Variants in TRPC7 observed in about 807,000 individuals in gnomAD.
TRPC7 encodes the protein short transient receptor potential channel 7.
Under a neutral mutation model 90.1 loss-of-function variants are expected in TRPC7, and 42 were observed. That is an observed-to-expected ratio of 0.47 (90% CI 0.36 to 0.60). The LOEUF (loss-of-function observed/expected upper bound fraction) is 0.60, where lower values mean the gene tolerates loss of function less well. Ranked by LOEUF, TRPC7 falls within the 20% of genes least tolerant of loss-of-function variation. The probability of loss-of-function intolerance (pLI) is 0.00; values close to 1 mark genes in which losing one functional copy is unlikely to be tolerated. For synonymous variants in TRPC7, 451 were observed against 436.3 expected, an observed-to-expected ratio of 1.03 and a Z score of -0.42; for missense variants, 955 against 1,112.3, an observed-to-expected ratio of 0.86 and a Z score of 2.01.
Position 136,226,229 on chromosome 5 carries a change from G to A in TRPC7, c.2067C>T (p.Phe689=), listed in dbSNP as rs375971976. Residue 689 remains phenylalanine (F), a synonymous_variant, in exon 9 of 12, where the codon TTC becomes TTT. Transcript: ENST00000513104. Reference sequence around the variant, plus strand: ...AAGACAGCCAGAGTTTTGCTCGGGCGAACTTCCATTCCACATCTGCATCCT... The same window carrying A: ...AAGACAGCCAGAGTTTTGCTCGGGCAAACTTCCATTCCACATCTGCATCCT... The part of the protein sequence containing the change: ...IEEDADVEWK[F]ARAKLWLSYF... 61 of 1,551,630 alleles carry A rather than the reference G, an allele frequency of 3.9e-5. No homozygotes were observed. The highest frequency in any genetic ancestry group is 8.3e-5 in the South Asian group (7 of 84,052).
intron 5 of TRPC7, among the ~76,000 whole-genome samples, chr5:136,259,531 A>G (rs1328284755): frequency 2.0e-5 from 3 of 152,226 alleles, no homozygotes; most frequent in African/African-American, 7.2e-5. Context: ...CGTTATGGAG[A>G]TGCTTGCTAG....
chr5:136,365,370 T>C lies in TRPC7; in HGVS notation c.-116A>G. ...AAGGATGTACCGCTCTCCGTGGTGCTGAAGTATAGAGCTGGTCAAGTGAGT... is the reference window on the plus strand; with the variant it reads ...AAGGATGTACCGCTCTCCGTGGTGCCGAAGTATAGAGCTGGTCAAGTGAGT... On this transcript the variant is annotated 5_prime_UTR_variant, in exon 1 of 12. Transcript: ENST00000513104. The C allele has an allele frequency of 9.3e-7, 1 of 1,080,840 alleles. No individual in the cohort carries two copies. The highest frequency in any genetic ancestry group is 1.3e-5 in the South Asian group (1 of 74,734). The allele number at this position is 1,080,840 out of a possible 1,614,324, so 67.0% of individuals were successfully genotyped here. A position where few individuals can be genotyped will look rare whatever the true frequency, so the allele number is the denominator to read the frequency against.
chr5:136,360,722 G>A (rs1033465627), intron 1 of TRPC7, among the ~76,000 whole-genome samples: 3 of 152,138 alleles, frequency 2.0e-5, no homozygotes, highest in Non-Finnish European at 4.4e-5. Flanking sequence ...AGTCATGTAT[G>A]CATATAAGCA....
At chr5:136,309,475 C>T (rs1351872511) in intron 3 of TRPC7, among the ~76,000 whole-genome samples, 2 of 152,128 alleles carry the variant, frequency 1.3e-5, no homozygotes, top group African/African-American at 4.8e-5. Flanking sequence ...GCTATCAATA[C>T]GAATTCCCTC....
chr5:136,322,015 C>G (rs1463638959), intron 2 of TRPC7, among the ~76,000 whole-genome samples: 2 of 151,588 alleles, frequency 1.3e-5, no homozygotes, highest in Non-Finnish European at 2.9e-5. Flanking sequence ...TATTCCTGTA[C>G]AAGATTTTTT....
intron 3 of TRPC7, among the ~76,000 whole-genome samples, chr5:136,295,056 C>A (rs894045941): frequency 1.3e-5 from 2 of 151,488 alleles, no homozygotes; most frequent in East Asian, 3.9e-4. Flanking sequence ...CCAAACACTG[C>A]ATGTTCTTAC....
At chr5:136,233,743 C>A (rs1755891421) in intron 7 of TRPC7, among the ~76,000 whole-genome samples, 1 of 152,188 alleles carries the variant, frequency 6.6e-6, no homozygotes, top group Admixed American at 6.5e-5. Context: ...TTGGAACAAC[C>A]CAGAAACCTT....
chr5:136,255,591 T>A (rs922851385), intron 5 of TRPC7, among the ~76,000 whole-genome samples: 1 of 152,230 alleles, frequency 6.6e-6, no homozygotes, highest in African/African-American at 2.4e-5. Flanking sequence ...CCTGGGACTT[T>A]CTTTGTTGGG....
intron 3 of TRPC7, among the ~76,000 whole-genome samples, chr5:136,287,452 A>G (rs1693952956): frequency 6.6e-6 from 1 of 150,812 alleles, no homozygotes; most frequent in East Asian, 2.0e-4. Flanking sequence ...TTCCAGTTGA[A>G]CTCCCTGCCT....
At chr5:136,291,048 A>G (rs1390097931) in intron 3 of TRPC7, among the ~76,000 whole-genome samples, 1 of 152,250 alleles carries the variant, frequency 6.6e-6, no homozygotes, top group Non-Finnish European at 1.5e-5. Flanking sequence ...ACTAAACTTC[A>G]TAAGTGAAGG....
At chr5:136,337,495 G>A (rs997874424) in intron 2 of TRPC7, among the ~76,000 whole-genome samples, 22 of 152,080 alleles carry the variant, frequency 1.4e-4, no homozygotes, top group South Asian at 8.3e-4. Flanking sequence ...GTGAAACCTC[G>A]TCTCTATTAA....
intron 1 of TRPC7, among the ~76,000 whole-genome samples, chr5:136,360,029 C>A (rs970380672): frequency 2.0e-5 from 3 of 152,104 alleles, no homozygotes; most frequent in Non-Finnish European, 4.4e-5. Flanking sequence ...CGGCACTTTT[C>A]CATTAGAGGT....
At chr5:136,315,520 AC>A in intron 3 of TRPC7, 76 bp downstream of exon 3, 1 of 1,493,538 alleles carries the variant, frequency 6.7e-7, no homozygotes, top group Non-Finnish European at 9.2e-7. Context: ...CATAAAATAG[AC>A]ATGAGCAAAA....
chr5:136,315,759 A>G lies in TRPC7; in HGVS notation c.801T>C (p.Ser267=), dbSNP rs1255443450. The change falls in exon 3 of 12, where the codon TCT becomes TCC. Residue 267 remains serine, a synonymous_variant. Coordinates refer to ENST00000513104, the MANE Select transcript of TRPC7 (RefSeq NM_020389.3). ...TEFKNDYRKL[S]MQCKDFVVGV... is the part of the protein sequence containing the mutation. ...CCACTACAAAATCCTTGCATTGCAT[A>G]GATAACTTCCTGTAATCGTTCTAAC... 4 of 1,613,890 alleles carry G rather than the reference A, an allele frequency of 2.5e-6. No individual in the cohort carries two copies. Among genetic ancestry groups the G allele is most frequent in the South Asian group, 2.2e-5 (2 of 91,066 alleles).
At chr5:136,340,855 A>C (rs1759823833) in intron 2 of TRPC7, among the ~76,000 whole-genome samples, 1 of 152,232 alleles carries the variant, frequency 6.6e-6, no homozygotes, top group Non-Finnish European at 1.5e-5. Context: ...AAAGAAATAC[A>C]AATGAACATT....
intron 2 of TRPC7, among the ~76,000 whole-genome samples, chr5:136,327,218 T>C (rs538147863): frequency 1.3e-5 from 2 of 152,286 alleles, no homozygotes; most frequent in South Asian, 2.1e-4. Context: ...AGTGACCCAG[T>C]GTTGCAGACT....
chr5:136,220,008 A>AC (rs1755402279), intron 10 of TRPC7, among the ~76,000 whole-genome samples: 4 of 152,226 alleles, frequency 2.6e-5, no homozygotes, highest in Non-Finnish European at 4.4e-5. Flanking sequence ...TGACGATTTC[A>AC]TGGACATTTA....
intron 11 of TRPC7, 120 bp from the exon 12 acceptor site, chr5:136,213,724 G>A (rs1755167704): frequency 1.8e-6 from 2 of 1,121,524 alleles, no homozygotes; most frequent in South Asian, 1.5e-5. Flanking sequence ...CAGCCCACCA[G>A]GGTTGAAGGT....
chr5:136,319,989 C>T (rs902227742), intron 2 of TRPC7, among the ~76,000 whole-genome samples: 5 of 152,150 alleles, frequency 3.3e-5, no homozygotes, highest in African/African-American at 9.7e-5. Flanking sequence ...CACCCATACA[C>T]TGGAGAGTCC....
Sources: allele counts gnomAD v4.1 joint callset (sites outside exome capture counted in the v4.1 genomes callset), GRCh38; gene constraint gnomAD v4.1.1; transcripts MANE v1.5; gene names NCBI Gene and HGNC (gene_info 2026-07-23, HGNC 2026-07-21).